Variants in THOC2 observed in about 807,000 individuals in gnomAD.
THOC2 encodes the protein THO complex 2.
Under a neutral mutation model 128.4 loss-of-function variants are expected in THOC2, and 10 were observed. The observed-to-expected ratio is 0.08, with a 90% CI of 0.05 to 0.13. The LOEUF (loss-of-function observed/expected upper bound fraction) is 0.13, where lower values mean the gene tolerates loss of function less well. THOC2 is among the 10% of genes least tolerant of loss of function. THOC2 has a pLI of 1.00. For missense variants in THOC2, 535 were observed against 1,155.7 expected, an observed-to-expected ratio of 0.46 and a Z score of 7.79; for synonymous variants, 393 against 396.9, an observed-to-expected ratio of 0.99 and a Z score of 0.12.
At chrX:123,696,904 A>C in intron 5 of THOC2, 62 bp from the exon 6 acceptor site, 1 of 888,844 alleles carries the variant, frequency 1.1e-6, no homozygotes, top group Non-Finnish European at 1.5e-6. Context: ...TGTTAAATAT[A>C]TTCAAACTAA....
chrX:123,682,492 G>A (rs1000156599), intron 8 of THOC2, among the ~76,000 whole-genome samples: 1 of 111,944 alleles, frequency 8.9e-6, no homozygotes, highest in Non-Finnish European at 1.9e-5. Context: ...TAGAGCCATT[G>A]CATTGACTGT....
In THOC2 at chrX:123,640,553, G is replaced by C; in HGVS notation, c.1731C>G (p.Thr577=). 1 of 1,188,572 alleles carries C rather than the reference G, an allele frequency of 8.4e-7. No individual in the cohort carries two copies. Among genetic ancestry groups the C allele is most frequent in the South Asian group, 1.9e-5 (1 of 52,919 alleles). ...CAAAACATACATAATCAAACAAAAT[G>C]GTTGGATTGCTGTGGCTCAACTTCC... ...QIGKLSHSNP[T]ILFDYILSQI... Residue 577 remains threonine, a synonymous_variant, in exon 16 of 39, where the codon ACC becomes ACG. Transcript: ENST00000245838.
At chrX:123,678,185 C>T (rs1347667577) in intron 8 of THOC2, among the ~76,000 whole-genome samples, 3 of 110,981 alleles carry the variant, frequency 2.7e-5, no homozygotes, top group Non-Finnish European at 5.7e-5. Flanking sequence ...ATCACAGATT[C>T]GCTTGTAAGC....
At chrX:123,680,796 A>G (rs2049741112) in intron 8 of THOC2, among the ~76,000 whole-genome samples, 1 of 111,870 alleles carries the variant, frequency 8.9e-6, no homozygotes. Context: ...TCAGTCCAAA[A>G]AACTTCAGAA....
intron 3 of THOC2, among the ~76,000 whole-genome samples, chrX:123,704,073 A>C (rs905381996): frequency 9.0e-6 from 1 of 111,180 alleles, no homozygotes; most frequent in Admixed American, 9.7e-5. Flanking sequence ...TAACTTGATA[A>C]AAAAACAGAA....
Position 123,668,163 on chromosome X carries a change from TCTA to T in THOC2, c.1010_1012del (p.Val337del), listed in dbSNP as rs1407002648. 3 of 1,177,272 alleles carry T rather than the reference TCTA, an allele frequency of 2.5e-6. No homozygotes were observed. Among genetic ancestry groups the T allele is most frequent in the Admixed American group, 4.7e-5 (2 of 42,118 alleles). On this transcript the variant is annotated inframe_deletion, in exon 10 of 39. Transcript: ENST00000245838. The stretch of plus-strand genomic sequence containing the variant: ...TTACTAGAATGAATTACATACTTTC[TCTA>T]CTTTCTCCTCTTCTTTTTCCTTTTC...
intron 16 of THOC2, among the ~76,000 whole-genome samples, chrX:123,639,622 C>G (rs986031397): frequency 9.0e-6 from 1 of 110,815 alleles, no homozygotes; most frequent in African/African-American, 3.3e-5. Context: ...TGGGTACACA[C>G]GGACATAAAG....
At chrX:123,660,690 A>T (rs2048788988) in intron 12 of THOC2, among the ~76,000 whole-genome samples, 1 of 112,358 alleles carries the variant, frequency 8.9e-6, no homozygotes, top group African/African-American at 3.2e-5. Context: ...AAAAATCAAG[A>T]GTGAAACATT....
At chrX:123,638,666 C>CA (rs755670807) in intron 17 of THOC2, among the ~76,000 whole-genome samples, 52 of 101,361 alleles carry the variant, frequency 5.1e-4, no homozygotes, top group African/African-American at 1.3e-3. Flanking sequence ...CTCACACACA[C>CA]AAAAAAAAAA....
intron 12 of THOC2, among the ~76,000 whole-genome samples, chrX:123,656,061 GC>G (rs1267505175): frequency 9.2e-6 from 1 of 108,750 alleles, no homozygotes; most frequent in Non-Finnish European, 1.9e-5. Context: ...GGTGGCTCAT[GC>G]CTGTAATCCC....
At chrX:123,637,910 C>T in intron 18 of THOC2, 133 bp downstream of exon 18, 1 of 457,179 alleles carries the variant, frequency 2.2e-6, no homozygotes, top group Non-Finnish European at 3.7e-6. Context: ...GCAGAACAAA[C>T]TCAGTAGCTA....
At chrX:123,678,168 TTGTTTCATC>T (rs1448572832) in intron 8 of THOC2, among the ~76,000 whole-genome samples, 2 of 111,646 alleles carry the variant, frequency 1.8e-5, no homozygotes, top group Non-Finnish European at 3.8e-5. Flanking sequence ...CCTGGTTTGT[TTGTTTCATC>T]ACAGATTCGC....
intron 38 of THOC2, among the ~76,000 whole-genome samples, chrX:123,608,385 A>C (rs2046565248): frequency 9.3e-6 from 1 of 107,537 alleles, no homozygotes; most frequent in Admixed American, 1.0e-4. Context: ...TGGGCGACAG[A>C]GTGAGACTCC....
intron 3 of THOC2, among the ~76,000 whole-genome samples, chrX:123,704,882 AG>A (rs1409406071): frequency 1.8e-5 from 2 of 111,654 alleles, no homozygotes; most frequent in African/African-American, 6.5e-5. Context: ...AGAAAAGAAA[AG>A]AAAAGGATCC....
intron 7 of THOC2, among the ~76,000 whole-genome samples, chrX:123,691,623 T>C (rs1261953921): frequency 2.7e-5 from 3 of 111,902 alleles, no homozygotes; most frequent in African/African-American, 9.7e-5. Flanking sequence ...GCCAAATCTA[T>C]ACCCTTTGAC....
At chrX:123,732,684 G>A (rs1367723769) in intron 1 of THOC2, among the ~76,000 whole-genome samples, 3 of 111,933 alleles carry the variant, frequency 2.7e-5, no homozygotes, top group Non-Finnish European at 5.6e-5. Flanking sequence ...AGACCTGCAG[G>A]GGCGGAATAA....
intron 1 of THOC2, among the ~76,000 whole-genome samples, chrX:123,717,338 G>A (rs2051469305): frequency 9.1e-6 from 1 of 110,494 alleles, no homozygotes; most frequent in South Asian, 3.7e-4. Context: ...TACTAACAAT[G>A]AACTACCTGA....
chrX:123,663,845 C>T (rs962578456), intron 12 of THOC2, among the ~76,000 whole-genome samples: 7 of 110,975 alleles, frequency 6.3e-5, no homozygotes, highest in Non-Finnish European at 1.3e-4. Context: ...TGTTCAATTC[C>T]CACCTATGAG....
rs756459542 is a variant in THOC2, at chrX:123,600,697, C to CAT, written c.*659_*660insAT. ...AAAGTTCAGCAATACAAAGCTCCTA[C>CAT]AGCTGTAGAATTAAAACAATTATGT... is the stretch of plus-strand genomic sequence containing the variant. On this transcript the variant is annotated 3_prime_UTR_variant, in exon 39 of 39. Coordinates refer to ENST00000245838, the MANE Select transcript of THOC2 (RefSeq NM_001081550.2). 1 of 112,431 alleles carries CAT rather than the reference C, an allele frequency of 8.9e-6. No individual in the cohort carries two copies. The highest frequency in any genetic ancestry group is 1.9e-5 in the Non-Finnish European group (1 of 53,190). The allele number at this position is 112,431 out of a possible 1,213,427, so 9.3% of individuals were successfully genotyped here. A position where few individuals can be genotyped will look rare whatever the true frequency, so the allele number is the denominator to read the frequency against.
Sources: gnomAD v4.1 joint callset for allele counts (sites outside exome capture counted in the v4.1 genomes callset) on GRCh38, gnomAD v4.1.1 for gene constraint, MANE v1.5 for transcripts, NCBI Gene and HGNC (gene_info 2026-07-23, HGNC 2026-07-21) for gene names.